GLI2: variants seen among roughly 807,000 people sequenced by gnomAD.
GLI2 encodes the protein GLI family zinc finger 2.
GLI2 carries 22 observed loss-of-function variants against 78.9 expected under a neutral mutation model. The observed-to-expected ratio is 0.28, with a 90% confidence interval of 0.20 to 0.40. The LOEUF (loss-of-function observed/expected upper bound fraction) is 0.40. GLI2 is among the 10% of genes least tolerant of loss of function. The probability of loss-of-function intolerance (pLI) is 1.00; values close to 1 mark genes in which losing one functional copy is unlikely to be tolerated. For synonymous variants in GLI2, 974 were observed against 963.7 expected (o/e 1.01, Z -0.20); for missense variants, 2,097 against 2,213.2 (o/e 0.95, Z 1.05).
Position 120,990,683 on chromosome 2 carries a change from A to AGCGCCTGGTGCTGAGT in GLI2, c.*11_*26dup. 6.2e-7 allele frequency: 1 copy of AGCGCCTGGTGCTGAGT among 1,609,494 alleles called. No individual in the cohort carries two copies. The highest frequency in any genetic ancestry group is 8.5e-7 in the Non-Finnish European group (1 of 1,178,230). Reference sequence around the variant, plus strand: ...CTGAACATGATGACCTAGAGGCCCGAGCGCCTGGTGCTGAGTGCACCCGGA... The same window carrying AGCGCCTGGTGCTGAGT: ...CTGAACATGATGACCTAGAGGCCCGAGCGCCTGGTGCTGAGTGCGCCTGGTGCTGAGTGCACCCGGA... On this transcript the variant is annotated 3_prime_UTR_variant, in exon 14 of 14. Transcript: ENST00000361492.
intron 2 of GLI2, among the ~76,000 whole-genome samples, chr2:120,860,868 C>T (rs776226419): frequency 2.0e-5 from 3 of 152,118 alleles, no homozygotes; most frequent in Admixed American, 6.5e-5. Context: ...TGAGGCCCTG[C>T]GTGGATTACC....
Position 120,821,210 on chromosome 2 carries a change from A to G in GLI2, c.148+23742A>G, listed in dbSNP as rs563913908. 3.9e-5 allele frequency among the ~76,000 whole-genome samples: 6 copies of G among 152,152 alleles called. No homozygotes were observed. The East Asian group carries it at 1.2e-3, about 29-fold the overall frequency. ...ACGGGGGAGGTTCTCTCGAGTTGCAAAGGTGCAGATGCGCCAGGAGGGTTC... is the reference window on the plus strand; with the variant it reads ...ACGGGGGAGGTTCTCTCGAGTTGCAGAGGTGCAGATGCGCCAGGAGGGTTC... On this transcript the variant is annotated intron_variant, in intron 2 of 13. Coordinates refer to ENST00000361492, the MANE Select transcript of GLI2 (RefSeq NM_001374353.1).
chr2:120,942,098 C>G (rs1043060302), intron 3 of GLI2, among the ~76,000 whole-genome samples: 1 of 152,180 alleles, frequency 6.6e-6, no homozygotes, highest in Admixed American at 6.5e-5. Context: ...AACGATGGCA[C>G]TAGTGACGGT....
chr2:120,864,431 G>A (rs571660250), intron 2 of GLI2, among the ~76,000 whole-genome samples: 11 of 152,266 alleles, frequency 7.2e-5, no homozygotes, highest in Non-Finnish European at 1.3e-4. Flanking sequence ...GGTAGGGGTC[G>A]AATGGGGATT....
At chr2:120,766,649 A>G (rs1683375447) in intron 1 of GLI2, among the ~76,000 whole-genome samples, 1 of 152,226 alleles carries the variant, frequency 6.6e-6, no homozygotes, top group Admixed American at 6.5e-5. Context: ...GCCTGGTGGC[A>G]TCCTGGCTCT....
chr2:120,742,678 T>TAAAAAAAAA (rs1359197508), intron 1 of GLI2, among the ~76,000 whole-genome samples: 1 of 28,414 alleles, frequency 3.5e-5, no homozygotes, highest in Non-Finnish European at 6.5e-5. Flanking sequence ...TAGGATGACT[T>TAAAAAAAAA]TAAAAAAAAA....
chr2:120,926,462 A>T (rs1679683180), intron 2 of GLI2, among the ~76,000 whole-genome samples: 1 of 152,160 alleles, frequency 6.6e-6, no homozygotes, highest in Non-Finnish European at 1.5e-5. Flanking sequence ...CAGAAATCCA[A>T]ACTTAACCCT....
Position 120,926,483 on chromosome 2 carries a change from GGC to G in GLI2, c.149-877_149-876del, listed in dbSNP as rs201884664. ...TCCAAACTTAACCCTGCTTCCCACT[GGC>G]CTGTGGCCTTCAGACTGAGGGAGAG... On this transcript the variant is annotated intron_variant, in intron 2 of 13. Transcript: ENST00000361492. Among the ~76,000 whole-genome samples, 709 of 152,232 alleles carry G rather than the reference GGC, an allele frequency of 4.7e-3. 14 individuals are homozygous for G. Among genetic ancestry groups the G allele is most frequent in the African/African-American group, 0.016 (669 of 41,526 alleles).
chr2:120,895,602 C>T (rs971907095), intron 2 of GLI2, among the ~76,000 whole-genome samples: 2 of 152,132 alleles, frequency 1.3e-5, no homozygotes, highest in Non-Finnish European at 2.9e-5. Context: ...GCTCGGGAGG[C>T]TGAGGCAGGA....
intron 2 of GLI2, among the ~76,000 whole-genome samples, chr2:120,916,254 C>G (rs759765480): frequency 3.3e-5 from 5 of 152,206 alleles, no homozygotes; most frequent in Non-Finnish European, 7.3e-5. Context: ...GTGTTCCTCT[C>G]GAGGACGCCA....
chr2:120,942,904 ACCCT>A (rs1680525952), intron 3 of GLI2, among the ~76,000 whole-genome samples: 1 of 145,362 alleles, frequency 6.9e-6, no homozygotes, highest in Non-Finnish European at 1.5e-5. Flanking sequence ...ATTCGTTCAC[ACCCT>A]CACTCACTCA....
At chr2:120,949,666 A>T (rs1361803591) in intron 3 of GLI2, among the ~76,000 whole-genome samples, 3 of 152,222 alleles carry the variant, frequency 2.0e-5, no homozygotes, top group African/African-American at 7.2e-5. Flanking sequence ...GGATTGGTGT[A>T]GGCAAAAAGG....
Position 120,990,899 on chromosome 2 carries a change from A to G in GLI2, c.*224A>G. ...ACAATGAAAAAAGTCTCCATAGGAC[A>G]GGAAGGAATGCAAAACTCATTTACA... On this transcript the variant is annotated 3_prime_UTR_variant, in exon 14 of 14. Transcript: ENST00000361492. 1.8e-6 allele frequency: 1 copy of G among 571,150 alleles called. No individual in the cohort carries two copies. The highest frequency in any genetic ancestry group is 3.1e-6 in the Non-Finnish European group (1 of 322,178). The allele number at this position is 571,150 out of a possible 1,614,324, so 35.4% of individuals were successfully genotyped here.
chr2:120,923,436 T>C (rs901444846), intron 2 of GLI2, among the ~76,000 whole-genome samples: 1 of 151,772 alleles, frequency 6.6e-6, no homozygotes, highest in South Asian at 2.1e-4. Flanking sequence ...CACATGTATA[T>C]ACACACAGCA....
chr2:120,919,846 G>C (rs1035849534), intron 2 of GLI2, among the ~76,000 whole-genome samples: 3 of 152,228 alleles, frequency 2.0e-5, no homozygotes, highest in South Asian at 2.1e-4. Context: ...ACCCTGGAGC[G>C]GCCAATTGCC....
chr2:120,974,802 GTC>G (rs149256147), intron 8 of GLI2, 171 bp from the exon 9 acceptor site: 5 of 782,046 alleles, frequency 6.4e-6, no homozygotes, highest in Non-Finnish European at 1.1e-5. Flanking sequence ...GTGTGTGTGT[GTC>G]TGCATGCATG....
chr2:120,817,491 TAC>T (rs936947371), intron 2 of GLI2, among the ~76,000 whole-genome samples: 10 of 152,168 alleles, frequency 6.6e-5, no homozygotes, highest in African/African-American at 2.4e-4. Context: ...CTCCTCCTCT[TAC>T]AGTCTCATCA....
intron 2 of GLI2, among the ~76,000 whole-genome samples, chr2:120,835,335 T>C (rs1686558082): frequency 6.6e-6 from 1 of 150,762 alleles, no homozygotes; most frequent in Admixed American, 6.6e-5. Flanking sequence ...CCGTTGTTGC[T>C]CAGGTGAGGC....
intron 1 of GLI2, among the ~76,000 whole-genome samples, chr2:120,742,645 C>G (rs1682582511): frequency 7.0e-6 from 1 of 142,684 alleles, no homozygotes; most frequent in Non-Finnish European, 1.5e-5. Flanking sequence ...AAATCCTTTT[C>G]CATCTCACCA....
Sources: allele counts gnomAD v4.1 joint callset (sites outside exome capture counted in the v4.1 genomes callset), GRCh38; gene constraint gnomAD v4.1.1; transcripts MANE v1.5; gene names NCBI Gene and HGNC (gene_info 2026-07-23, HGNC 2026-07-21).